Variants in KCNIP4 observed in about 807,000 individuals in gnomAD.
KCNIP4 encodes potassium voltage-gated channel interacting protein 4, also known as Kv channel-interacting protein 4.
In KCNIP4, 12 loss-of-function variants were observed where a neutral mutation model predicts 34.0. That is an observed-to-expected ratio of 0.35 (90% CI 0.23 to 0.57). The LOEUF (loss-of-function observed/expected upper bound fraction) is 0.57, where lower values mean the gene tolerates loss of function less well. KCNIP4 is among the 20% of genes least tolerant of loss of function. KCNIP4 has a pLI of 0.83. For missense variants in KCNIP4, 238 were observed against 311.7 expected (o/e 0.76, Z 1.78); for synonymous variants, 124 against 102.2 (o/e 1.21, Z -1.29).
At chr4:21,867,450 T>C (rs778980357) in intron 1 of KCNIP4, among the ~76,000 whole-genome samples, 28 of 152,202 alleles carry the variant, frequency 1.8e-4, no homozygotes, top group Admixed American at 3.3e-4. Context: ...TACTACATTC[T>C]CTGTCTCTGG....
At chr4:20,864,253 T>C (rs1352677797) in intron 2 of KCNIP4, among the ~76,000 whole-genome samples, 5 of 150,772 alleles carry the variant, frequency 3.3e-5, no homozygotes, top group African/African-American at 1.2e-4. Context: ...TATGTATATA[T>C]GCACACATAT....
At chr4:21,324,059 T>C (rs1398633730) in intron 1 of KCNIP4, among the ~76,000 whole-genome samples, 2 of 152,076 alleles carry the variant, frequency 1.3e-5, no homozygotes, top group Non-Finnish European at 2.9e-5. Context: ...TTGAGAAATA[T>C]CTACTCAAAT....
chr4:21,307,151 G>C (rs1465212436), intron 1 of KCNIP4, among the ~76,000 whole-genome samples: 2 of 152,180 alleles, frequency 1.3e-5, no homozygotes, highest in South Asian at 2.1e-4. Flanking sequence ...AACTATTGAA[G>C]AGCATCAGAG....
At chr4:21,628,052 T>A (rs1213995758) in intron 1 of KCNIP4, among the ~76,000 whole-genome samples, 1 of 152,152 alleles carries the variant, frequency 6.6e-6, no homozygotes, top group Non-Finnish European at 1.5e-5. Context: ...TACATAATAA[T>A]GCTATATATT....
intron 1 of KCNIP4, among the ~76,000 whole-genome samples, chr4:21,649,777 T>A (rs768307484): frequency 6.6e-6 from 1 of 152,240 alleles, no homozygotes; most frequent in Non-Finnish European, 1.5e-5. Flanking sequence ...TGAATTTTTT[T>A]ATACAACTCT....
intron 1 of KCNIP4, among the ~76,000 whole-genome samples, chr4:21,738,688 C>T (rs7684151): frequency 0.092 from 13,977 of 152,154 alleles, 677 homozygotes; most frequent in Middle Eastern, 0.18. Flanking sequence ...TTCTTTATGG[C>T]CAGTTAAATG....
intron 1 of KCNIP4, among the ~76,000 whole-genome samples, chr4:21,339,718 G>T (rs1159262763): frequency 1.3e-5 from 2 of 152,114 alleles, no homozygotes; most frequent in African/African-American, 4.8e-5. Context: ...AATTGGTGCT[G>T]CCAGAAAAGC....
At chr4:21,084,221 C>A (rs1256193917) in intron 1 of KCNIP4, among the ~76,000 whole-genome samples, 1 of 150,036 alleles carries the variant, frequency 6.7e-6, no homozygotes, top group South Asian at 2.1e-4. Context: ...CGTATCCTAA[C>A]TAGAAGGCCT....
At chr4:21,913,000 T>C (rs1728425939) in intron 1 of KCNIP4, among the ~76,000 whole-genome samples, 1 of 151,936 alleles carries the variant, frequency 6.6e-6, no homozygotes. Context: ...GTAATCTAGG[T>C]AATAATGGTG....
At chr4:21,772,350 A>G (rs1718856747) in intron 1 of KCNIP4, among the ~76,000 whole-genome samples, 1 of 152,106 alleles carries the variant, frequency 6.6e-6, no homozygotes, top group Non-Finnish European at 1.5e-5. Context: ...GAATTTTCAC[A>G]TCAATGTTCA....
intron 1 of KCNIP4, among the ~76,000 whole-genome samples, chr4:21,911,120 T>C (rs1210413121): frequency 6.6e-6 from 1 of 152,138 alleles, no homozygotes; most frequent in African/African-American, 2.4e-5. Context: ...TTGGCAACTT[T>C]AGAACCTTCA....
At chr4:21,158,188 C>G (rs1044885786) in intron 1 of KCNIP4, among the ~76,000 whole-genome samples, 4 of 152,118 alleles carry the variant, frequency 2.6e-5, no homozygotes, top group African/African-American at 9.7e-5. Context: ...AAGGAATGTT[C>G]TAGGCCCAGA....
intron 1 of KCNIP4, among the ~76,000 whole-genome samples, chr4:21,334,783 T>C (rs1716008064): frequency 6.6e-6 from 1 of 152,094 alleles, no homozygotes; most frequent in Non-Finnish European, 1.5e-5. Flanking sequence ...CTTTTGTGTG[T>C]GACTTCTTTC....
In KCNIP4 at chr4:20,805,186, C is replaced by CTTTTTTTT. The variant is rs10552321; in HGVS notation, c.288+45349_288+45356dup. 4.3e-5 allele frequency among the ~76,000 whole-genome samples: 4 copies of CTTTTTTTT among 92,116 alleles called. No homozygotes were observed. In the East Asian group the frequency reaches 9.9e-4, roughly 23 times the overall value. The allele number at this position is 92,116 out of a possible 152,430, so 60.4% of individuals were successfully genotyped here. ...AAGCAGAAAATATCATAGATGCTTC[C>CTTTTTTTT]TTTTTTTTTTTTTTTTTTTTTTTTT... On this transcript the variant is annotated intron_variant, in intron 3 of 8. Coordinates refer to ENST00000382152, the MANE Select transcript of KCNIP4 (RefSeq NM_025221.6).
rs867101741 is a variant in KCNIP4, at chr4:21,577,019, T to C, written c.61+371552A>G. On this transcript the variant is annotated intron_variant, in intron 1 of 8. Coordinates refer to ENST00000382152, the MANE Select transcript of KCNIP4 (RefSeq NM_025221.6). ...TTCATAAAAAAATTAAATAGGTGCA[T>C]ACCCTGTGTGGTTTTACCTATTCTT... 3.6e-4 allele frequency among the ~76,000 whole-genome samples: 55 copies of C among 152,272 alleles called. 1 individual carries two copies. Among genetic ancestry groups the C allele is most frequent in the Middle Eastern group, 6.8e-3 (2 of 294 alleles).
At chr4:21,395,803 GTAATCTTCAAAACAACTA>G (rs1722937896) in intron 1 of KCNIP4, among the ~76,000 whole-genome samples, 1 of 152,020 alleles carries the variant, frequency 6.6e-6, no homozygotes, top group Admixed American at 6.6e-5. Flanking sequence ...TGGGGGTAAG[GTAATCTTCAAAACAACTA>G]TAATGGATCT....
chr4:21,134,749 C>T (rs1175066913), intron 1 of KCNIP4, among the ~76,000 whole-genome samples: 1 of 152,182 alleles, frequency 6.6e-6, no homozygotes, highest in Non-Finnish European at 1.5e-5. Flanking sequence ...GTGTCCTCTG[C>T]CCACTATTCT....
intron 1 of KCNIP4, among the ~76,000 whole-genome samples, chr4:21,531,710 A>G (rs10516392): frequency 0.067 from 10,151 of 152,074 alleles, 512 homozygotes; most frequent in South Asian, 0.16. Context: ...GTTATTTACT[A>G]TAATGTCAGG....
At chr4:21,485,437 C>T (rs1731817456) in intron 1 of KCNIP4, among the ~76,000 whole-genome samples, 1 of 152,164 alleles carries the variant, frequency 6.6e-6, no homozygotes, top group Non-Finnish European at 1.5e-5. Context: ...CCACAGCATA[C>T]ATGTGCCCTA....
Sources: allele counts gnomAD v4.1 joint callset (sites outside exome capture counted in the v4.1 genomes callset), GRCh38; gene constraint gnomAD v4.1.1; transcripts MANE v1.5; gene names NCBI Gene and HGNC (gene_info 2026-07-23, HGNC 2026-07-21).